KCND3: variants seen among roughly 807,000 people sequenced by gnomAD.
KCND3 encodes potassium voltage-gated channel subfamily D member 3.
KCND3 carries 9 observed loss-of-function variants against 51.1 expected under a neutral mutation model. The observed-to-expected ratio is 0.18, with a 90% CI of 0.11 to 0.31. KCND3 has a LOEUF of 0.31. Among genes scored for constraint, KCND3 ranks in the 10% least tolerant of loss-of-function variants. The pLI is 1.00. For missense variants in KCND3, 526 were observed against 903.8 expected (o/e 0.58, Z 5.36); for synonymous variants, 349 against 368.0 (o/e 0.95, Z 0.59).
intron 2 of KCND3, among the ~76,000 whole-genome samples, chr1:111,819,155 TCTCA>T (rs972932946): frequency 6.6e-6 from 1 of 152,024 alleles, no homozygotes; most frequent in African/African-American, 2.4e-5. Context: ...ACACACAGCC[TCTCA>T]CTCACACACT....
chr1:111,928,899 A>C (rs1027381734), intron 2 of KCND3, among the ~76,000 whole-genome samples: 13 of 152,136 alleles, frequency 8.5e-5, no homozygotes, highest in Middle Eastern at 6.3e-3. Context: ...GGGAGGAAAT[A>C]TCTGCTCTGC....
intron 2 of KCND3, among the ~76,000 whole-genome samples, chr1:111,860,798 G>A (rs1056613356): frequency 1.1e-4 from 17 of 152,150 alleles, no homozygotes; most frequent in East Asian, 3.8e-4. Flanking sequence ...TAGTCCTCCC[G>A]GGTTGACCAG....
intron 2 of KCND3, among the ~76,000 whole-genome samples, chr1:111,972,871 C>G (rs1007826651): frequency 6.6e-6 from 1 of 152,218 alleles, no homozygotes; most frequent in African/African-American, 2.4e-5. Context: ...AAGATTTGTG[C>G]TGTCCATGGT....
At position 111,882,694 on chromosome 1, in the gene KCND3, A is replaced by G. The variant is rs1669389454; in HGVS notation, c.1107-95588T>C. On this transcript the variant is annotated intron_variant, in intron 2 of 7. Transcript: ENST00000302127. The stretch of plus-strand genomic sequence containing the variant: ...GGCTGTGCTGGGGGCGGACAAAGGG[A>G]GAAGACAAAGATTATTTTAAACCTG... Among the ~76,000 whole-genome samples, 3 of 152,236 alleles carry G rather than the reference A, an allele frequency of 2.0e-5. No individual in the cohort carries two copies. The South Asian group carries it at 6.2e-4, about 32-fold the overall frequency.
At chr1:111,888,857 C>A (rs190467804) in intron 2 of KCND3, among the ~76,000 whole-genome samples, 1 of 151,810 alleles carries the variant, frequency 6.6e-6, no homozygotes, top group Non-Finnish European at 1.5e-5. Flanking sequence ...GAAGAAAGAA[C>A]CCTGGGCTTT....
rs141025424 is a variant in KCND3 at position 111,933,555 on chromosome 1, A to T, written c.1106+48066T>A. ...GCAGCATCTCTTAAGATGTCAGGGG[A>T]GGCTGCTCTGGGGAGGGGCCTCTAA... On this transcript the variant is annotated intron_variant, in intron 2 of 7. Coordinates refer to ENST00000302127, the MANE Select transcript of KCND3 (RefSeq NM_001378969.1). Among the ~76,000 whole-genome samples, 5 of 152,238 alleles carry T rather than the reference A, an allele frequency of 3.3e-5. No homozygotes were observed. In the East Asian group the frequency reaches 9.7e-4, roughly 30 times the overall value.
At chr1:111,803,584 C>T (rs904514995) in intron 2 of KCND3, among the ~76,000 whole-genome samples, 1 of 152,220 alleles carries the variant, frequency 6.6e-6, no homozygotes, top group South Asian at 2.1e-4. Context: ...CACACATACA[C>T]TCACACCAGG....
Position 111,977,154 on chromosome 1 carries a change from G to A in KCND3, c.1106+4467C>T, listed in dbSNP as rs1384387897. Among the ~76,000 whole-genome samples, 3 of 152,228 alleles carry A rather than the reference G, an allele frequency of 2.0e-5. No individual in the cohort carries two copies. The East Asian group carries it at 5.8e-4, about 29-fold the overall frequency. ...GGACACTATTAGCCAGTGTCCTGGG[G>A]CCAAGGTGCTTGGGCATTGAGAGGA... is the stretch of plus-strand genomic sequence containing the variant. On this transcript the variant is annotated intron_variant, in intron 2 of 7. Transcript: ENST00000302127.
intron 2 of KCND3, among the ~76,000 whole-genome samples, chr1:111,876,178 T>C (rs1221426735): frequency 2.0e-5 from 3 of 152,264 alleles, no homozygotes; most frequent in Non-Finnish European, 4.4e-5. Flanking sequence ...CAGTTGCCTA[T>C]TCCCCTTCTC....
Position 111,772,905 on chromosome 1 carries a change from T to C in KCND3, c.*3172A>G, listed in dbSNP as rs1226072450. 1.3e-5 allele frequency: 2 copies of C among 152,216 alleles called. No individual in the cohort carries two copies. The highest frequency in any genetic ancestry group is 2.9e-5 in the Non-Finnish European group (2 of 68,030). The allele number at this position is 152,216 out of a possible 1,614,324, so 9.4% of individuals were successfully genotyped here. On this transcript the variant is annotated 3_prime_UTR_variant, in exon 8 of 8. Coordinates refer to ENST00000302127, the MANE Select transcript of KCND3 (RefSeq NM_001378969.1). ...TATTGGCCCCCAGAAAATCCTGATA[T>C]CCTGGTTTTTCAGTCACTGGCCAAT... is the stretch of plus-strand genomic sequence containing the variant.
In KCND3 at chr1:111,817,649, G is replaced by A. The variant is rs376022561; in HGVS notation, c.1107-30543C>T. 1.7e-4 allele frequency among the ~76,000 whole-genome samples: 26 copies of A among 152,136 alleles called. No individual in the cohort carries two copies. In the South Asian group the frequency reaches 2.9e-3, roughly 17 times the overall value. On this transcript the variant is annotated intron_variant, in intron 2 of 7. Coordinates refer to ENST00000302127, the MANE Select transcript of KCND3 (RefSeq NM_001378969.1). The stretch of plus-strand genomic sequence containing the variant: ...AGCACCCTACCCATCTTCTTTCTTC[G>A]GTTTTCTGCATTTTTCTTGAAAAAG...
chr1:111,827,847 G>A (rs1254539520), intron 2 of KCND3, among the ~76,000 whole-genome samples: 1 of 152,170 alleles, frequency 6.6e-6, no homozygotes, highest in African/African-American at 2.4e-5. Flanking sequence ...GCTGAGCAGA[G>A]GAAGAAGAAA....
Position 111,778,482 on chromosome 1 carries a change from T to C in KCND3, c.1472A>G (p.Tyr491Cys). 1 of 1,613,952 alleles carries C rather than the reference T, an allele frequency of 6.2e-7. No individual in the cohort carries two copies. The highest frequency in any genetic ancestry group is 8.5e-7 in the Non-Finnish European group (1 of 1,179,852). The change falls in exon 6 of 8, where the codon TAT becomes TGT. Residue 491 changes from tyrosine to cysteine, a missense_variant. By Grantham distance (194) the Tyr-to-Cys change is radical. Coordinates refer to ENST00000302127, the MANE Select transcript of KCND3 (RefSeq NM_001378969.1). ...AGATAACAGGGGATCATCCACAAGA[T>C]AGGACAACCCCTACAGGACAACATG... The part of the protein sequence containing the change: ...HCLEKTTGLS[Y>C]LVDDPLLSVR...
intron 1 of KCND3, among the ~76,000 whole-genome samples, chr1:111,986,273 G>A (rs983676707): frequency 6.6e-6 from 1 of 152,208 alleles, no homozygotes; most frequent in Non-Finnish European, 1.5e-5. Flanking sequence ...AAAATCCTAT[G>A]ATAAAGGCTT....
chr1:111,863,849 G>A (rs1340020351), intron 2 of KCND3, among the ~76,000 whole-genome samples: 1 of 152,166 alleles, frequency 6.6e-6, no homozygotes, highest in Non-Finnish European at 1.5e-5. Flanking sequence ...AGTAATCCAG[G>A]GGAGAAATGA....
chr1:111,801,413 C>T (rs560076278), intron 2 of KCND3, among the ~76,000 whole-genome samples: 1 of 152,346 alleles, frequency 6.6e-6, no homozygotes, highest in South Asian at 2.1e-4. Context: ...GCTGGTCAAC[C>T]AGACAAACTC....
At position 111,780,884 on chromosome 1, in the gene KCND3, A is replaced by G. The variant is rs2101471925; in HGVS notation, c.1270-93T>C. ...AGCTGTGAGGCTGGCTTCCCAGGTG[A>G]CACCTGATGAAGGGGATGAGGCTGT... On this transcript the variant is annotated intron_variant, in intron 3 of 7. Coordinates refer to ENST00000302127, the MANE Select transcript of KCND3 (RefSeq NM_001378969.1). This position sits in a 1 kb window ranked among gnomAD's most constrained non-coding sequence, Gnocchi z 4.2. 1 of 998,940 alleles carries G rather than the reference A, an allele frequency of 1.0e-6. No individual in the cohort carries two copies. The allele number at this position is 998,940 out of a possible 1,614,324, so 61.9% of individuals were successfully genotyped here.
intron 2 of KCND3, among the ~76,000 whole-genome samples, chr1:111,880,814 C>T (rs977534659): frequency 6.6e-6 from 1 of 152,138 alleles, no homozygotes; most frequent in African/African-American, 2.4e-5. Context: ...AATAAAGCTG[C>T]TTGGAAATTG....
At chr1:111,852,439 T>C (rs1350848898) in intron 2 of KCND3, among the ~76,000 whole-genome samples, 1 of 152,222 alleles carries the variant, frequency 6.6e-6, no homozygotes, top group Non-Finnish European at 1.5e-5. Context: ...AGGCGTCATC[T>C]ACATAAGCCT....
Sources: allele counts gnomAD v4.1 joint callset (sites outside exome capture counted in the v4.1 genomes callset), GRCh38; gene constraint gnomAD v4.1.1; non-coding constraint Gnocchi (gnomAD v3.1); transcripts MANE v1.5; gene names NCBI Gene and HGNC (gene_info 2026-07-23, HGNC 2026-07-21).